The following ANKIB1 variants were observed in gnomAD, a reference collection of about 807,000 sequenced individuals.
ANKIB1 encodes ankyrin repeat and IBR domain-containing protein 1.
Under a neutral mutation model 122.1 loss-of-function variants are expected in ANKIB1, and 43 were observed. The ratio of observed to expected loss-of-function variants is 0.35; its 90% CI spans 0.28 to 0.45. The LOEUF is 0.45. ANKIB1 is among the 20% of genes least tolerant of loss of function. The pLI is 1.00. For synonymous variants in ANKIB1, 390 were observed against 442.0 expected (o/e 0.88, Z 1.48); for missense variants, 992 against 1,329.5 (o/e 0.75, Z 3.95).
At chr7:92,276,984 T>A (rs1462715946) in intron 1 of ANKIB1, among the ~76,000 whole-genome samples, 2 of 152,198 alleles carry the variant, frequency 1.3e-5, no homozygotes, top group Non-Finnish European at 2.9e-5. Context: ...CTTGCTGTGA[T>A]AAAGAGTGAG....
intron 2 of ANKIB1, among the ~76,000 whole-genome samples, chr7:92,297,518 C>A (rs901325160): frequency 2.6e-5 from 4 of 152,106 alleles, no homozygotes; most frequent in Admixed American, 2.0e-4. Flanking sequence ...TTTAAATCAT[C>A]CTTGATTTAC....
chr7:92,337,294 T>A (rs1257921565), intron 5 of ANKIB1, among the ~76,000 whole-genome samples: 2 of 152,178 alleles, frequency 1.3e-5, no homozygotes, highest in Non-Finnish European at 2.9e-5. Context: ...TGAGAATGGC[T>A]TTTGTGTTTT....
intron 4 of ANKIB1, among the ~76,000 whole-genome samples, chr7:92,324,046 T>C (rs2131954009): frequency 6.6e-6 from 1 of 152,252 alleles, no homozygotes; most frequent in Non-Finnish European, 1.5e-5. Context: ...AAAACTAAAA[T>C]GCCAAGAACT....
At chr7:92,249,311 T>C (rs1464047586) in intron 1 of ANKIB1, among the ~76,000 whole-genome samples, 1 of 152,226 alleles carries the variant, frequency 6.6e-6, no homozygotes, top group African/African-American at 2.4e-5. Context: ...CCTTTCCTCA[T>C]TGAGGTTACC....
chr7:92,280,799 T>C, intron 1 of ANKIB1, among the ~76,000 whole-genome samples: 1 of 152,224 alleles, frequency 6.6e-6, no homozygotes, highest in African/African-American at 2.4e-5. Context: ...ACCTACTGTT[T>C]CATATTATGA....
At chr7:92,258,250 A>G (rs960052664) in intron 1 of ANKIB1, among the ~76,000 whole-genome samples, 1 of 152,236 alleles carries the variant, frequency 6.6e-6, no homozygotes, top group Admixed American at 6.5e-5. Flanking sequence ...GCATAAGGCA[A>G]GAGAAAATGA....
At chr7:92,253,295 A>G (rs1477601431) in intron 1 of ANKIB1, among the ~76,000 whole-genome samples, 3 of 152,142 alleles carry the variant, frequency 2.0e-5, no homozygotes, top group Non-Finnish European at 2.9e-5. Context: ...CCAGTAGGCT[A>G]CCATTCTCCC....
At chr7:92,336,808 A>G (rs564070039) in intron 5 of ANKIB1, among the ~76,000 whole-genome samples, 1 of 152,254 alleles carries the variant, frequency 6.6e-6, no homozygotes, top group East Asian at 1.9e-4. Context: ...TTTGTCAGAC[A>G]TTAACTCCCC....
In ANKIB1 at chr7:92,294,770, A is replaced by T. The variant is rs148610597; in HGVS notation, c.-90-119A>T. The T allele has an allele frequency of 3.5e-5, 16 of 456,030 alleles. No individual in the cohort carries two copies. In the Admixed American group the frequency reaches 6.3e-4, roughly 18 times the overall value. The allele number at this position is 456,030 out of a possible 1,614,324, so 28.2% of individuals were successfully genotyped here. On this transcript the variant is annotated intron_variant, in intron 1 of 19. Coordinates refer to ENST00000265742, the MANE Select transcript of ANKIB1 (RefSeq NM_019004.2). ...TGTTAAGATAAATTTGGTAAAATGT[A>T]ATATAGTTGGTTCCCTTATCGATGA...
At chr7:92,278,801 T>C (rs10953066) in intron 1 of ANKIB1, among the ~76,000 whole-genome samples, 14,292 of 152,240 alleles carry the variant, frequency 0.094, 892 homozygotes, top group East Asian at 0.36. Flanking sequence ...AAATCCCATT[T>C]TGGGGAAAGC....
At chr7:92,371,034 A>AT (rs1804237755) in intron 10 of ANKIB1, among the ~76,000 whole-genome samples, 1 of 152,028 alleles carries the variant, frequency 6.6e-6, no homozygotes, top group African/African-American at 2.4e-5. Context: ...AGATGTTGAT[A>AT]TTTTTTGCTT....
chr7:92,337,699 G>A (rs1449822656), intron 5 of ANKIB1, among the ~76,000 whole-genome samples: 3 of 152,088 alleles, frequency 2.0e-5, no homozygotes, highest in Non-Finnish European at 4.4e-5. Context: ...TGTCTAGGGG[G>A]CTCCTTTTCA....
intron 4 of ANKIB1, among the ~76,000 whole-genome samples, chr7:92,324,209 T>G (rs1334336218): frequency 6.6e-6 from 1 of 152,200 alleles, no homozygotes; most frequent in African/African-American, 2.4e-5. Flanking sequence ...GTGGTTTATT[T>G]TATGTTATGA....
At chr7:92,254,111 G>A (rs993654614) in intron 1 of ANKIB1, among the ~76,000 whole-genome samples, 4 of 152,106 alleles carry the variant, frequency 2.6e-5, no homozygotes, top group South Asian at 4.1e-4. Context: ...AGCACCAACC[G>A]GCAGATATGA....
intron 1 of ANKIB1, among the ~76,000 whole-genome samples, chr7:92,258,299 G>C (rs190596414): frequency 6.6e-6 from 1 of 152,292 alleles, no homozygotes; most frequent in East Asian, 1.9e-4. Flanking sequence ...TTATAGTCTA[G>C]TAGTCTTTTC....
Position 92,387,831 on chromosome 7 carries a change from G to T in ANKIB1, c.1786G>T (p.Asp596Tyr). 6.2e-7 allele frequency: 1 copy of T among 1,611,586 alleles called. No homozygotes were observed. Among genetic ancestry groups the T allele is most frequent in the South Asian group, 1.1e-5 (1 of 90,196 alleles). ...EKKHKRFQELDRFMHYYTRFK... is the reference protein window; with the variant it reads ...EKKHKRFQELYRFMHYYTRFK... Reference sequence around the variant, plus strand: ...AAAACACAAACGATTTCAGGAACTTGACAGATTTATGCACTATTATACAAG... The same window carrying T: ...AAAACACAAACGATTTCAGGAACTTTACAGATTTATGCACTATTATACAAG... The change falls in exon 13 of 20, where the codon GAC becomes TAC. Residue 596 changes from aspartate to tyrosine, a missense_variant. By Grantham distance (160) the Asp-to-Tyr change is radical. This residue lies in a region of ANKIB1 where 521 missense variants were observed against 777.7 expected (regional missense o/e 0.67). Coordinates refer to ENST00000265742, the MANE Select transcript of ANKIB1 (RefSeq NM_019004.2).
intron 1 of ANKIB1, among the ~76,000 whole-genome samples, chr7:92,290,712 G>T (rs1802228459): frequency 6.6e-6 from 1 of 152,148 alleles, no homozygotes; most frequent in Non-Finnish European, 1.5e-5. Context: ...GTTAATTTAA[G>T]TACCGTTGAG....
intron 15 of ANKIB1, among the ~76,000 whole-genome samples, chr7:92,390,931 T>C (rs1454882878): frequency 6.6e-6 from 1 of 152,204 alleles, no homozygotes; most frequent in African/African-American, 2.4e-5. Flanking sequence ...TAAATGCCTA[T>C]CAAATGAGCG....
chr7:92,249,389 C>G (rs556808188), intron 1 of ANKIB1, among the ~76,000 whole-genome samples: 1 of 152,246 alleles, frequency 6.6e-6, no homozygotes, highest in African/African-American at 2.4e-5. Context: ...GTTTTTAAGC[C>G]ACTTGACCCT....
Sources: allele counts gnomAD v4.1 joint callset (sites outside exome capture counted in the v4.1 genomes callset), GRCh38; gene constraint gnomAD v4.1.1; regional missense constraint gnomAD v4.1.1; transcripts MANE v1.5; gene names NCBI Gene and HGNC (gene_info 2026-07-23, HGNC 2026-07-21).